The following FMO2 variants were observed in gnomAD, a reference collection of about 807,000 sequenced individuals.
FMO2 encodes the protein flavin containing dimethylaniline monoxygenase 2, also known as flavin-containing monooxygenase 2.
A neutral mutation model predicts 41.6 loss-of-function variants in FMO2; 33 were observed. The ratio of observed to expected loss-of-function variants is 0.79; its 90% confidence interval spans 0.60 to 1.06. The LOEUF (loss-of-function observed/expected upper bound fraction) is 1.06, where lower values mean the gene tolerates loss of function less well. Among genes scored for constraint, FMO2 ranks in the 50% least tolerant of loss-of-function variants. FMO2 has a pLI of 0.00. For missense variants in FMO2, 619 were observed against 632.9 expected (o/e 0.98, Z 0.23); for synonymous variants, 214 against 219.6 (o/e 0.97, Z 0.23).
chr1:171,187,340 T>C (rs1204070364), intron 2 of FMO2, among the ~76,000 whole-genome samples: 1 of 152,026 alleles, frequency 6.6e-6, no homozygotes, highest in African/African-American at 2.4e-5. Flanking sequence ...GCAGAGACCA[T>C]ATAAAGGGCT....
chr1:171,206,675 A>G (rs1297399620), intron 7 of FMO2, among the ~76,000 whole-genome samples: 3 of 152,214 alleles, frequency 2.0e-5, no homozygotes, highest in African/African-American at 4.8e-5. Flanking sequence ...CGGGGCACCA[A>G]TGAAGGGTTA....
At chr1:171,204,779 G>A (rs1202529905) in intron 6 of FMO2, among the ~76,000 whole-genome samples, 1 of 152,048 alleles carries the variant, frequency 6.6e-6, no homozygotes, top group Non-Finnish European at 1.5e-5. Context: ...AGACTCCATG[G>A]ATATTTGGGA....
At chr1:171,207,177 G>A (rs1482430139) in intron 7 of FMO2, among the ~76,000 whole-genome samples, 1 of 152,086 alleles carries the variant, frequency 6.6e-6, no homozygotes, top group Non-Finnish European at 1.5e-5. Context: ...GTGGGCAGGC[G>A]ATGGAGTCAT....
At position 171,209,883 on chromosome 1, in the gene FMO2, CAAT is replaced by C. The variant is rs1658913505; in HGVS notation, c.*739_*741del. 2.0e-5 allele frequency: 3 copies of C among 152,216 alleles called. No individual in the cohort carries two copies. Among genetic ancestry groups the C allele is most frequent in the African/African-American group, 7.2e-5 (3 of 41,530 alleles). 9.4% of individuals were successfully genotyped at this position (152,216 alleles called of 1,614,324 possible). A position where few individuals can be genotyped will look rare whatever the true frequency, so the allele number is the denominator to read the frequency against. Reference sequence around the variant, plus strand: ...GTATTATTTCATTTAATTCTCACAACAATTCTGTGAAATGGTTACAGCTATTAT... The same window carrying C: ...GTATTATTTCATTTAATTCTCACAACTCTGTGAAATGGTTACAGCTATTAT... On this transcript the variant is annotated 3_prime_UTR_variant, in exon 9 of 9. Coordinates refer to ENST00000209929, the MANE Select transcript of FMO2 (RefSeq NM_001460.5).
chr1:171,203,404 A>G (rs927237011), intron 5 of FMO2, among the ~76,000 whole-genome samples: 1 of 151,952 alleles, frequency 6.6e-6, no homozygotes, highest in African/African-American at 2.4e-5. Context: ...TTCCCCTGTT[A>G]TTCTCCATCC....
Position 171,199,466 on chromosome 1 carries a change from A to G in FMO2, c.605A>G (p.Glu202Gly). 6.2e-7 allele frequency: 1 copy of G among 1,612,032 alleles called. No individual in the cohort carries two copies. The highest frequency in any genetic ancestry group is 1.3e-5 in the African/African-American group (1 of 74,842). The change falls in exon 5 of 9, where the codon GAG (glutamate) becomes GGG (glycine). Residue 202 changes from glutamate to glycine, a missense_variant. Coordinates refer to ENST00000209929, the MANE Select transcript of FMO2 (RefSeq NM_001460.5). ...AACTCAGGCTCAGATATTGCTGTTG[A>G]GCTGAGTAAGAATGCTGCTCAGGTG... Reference protein sequence around the residue: ...MGNSGSDIAVELSKNAAQVFI... With the variant: ...MGNSGSDIAVGLSKNAAQVFI...
intron 3 of FMO2, among the ~76,000 whole-genome samples, chr1:171,195,494 CCATCTGAAATCTTTTCTTT>C (rs1658269438): frequency 6.6e-6 from 1 of 152,164 alleles, no homozygotes; most frequent in African/African-American, 2.4e-5. Context: ...CTTTGAACTA[CCATCTGAAATCTTTTCTTT>C]CATCTGAAAA....
chr1:171,203,058 A>G (rs1658597900), intron 5 of FMO2, among the ~76,000 whole-genome samples: 1 of 152,170 alleles, frequency 6.6e-6, no homozygotes, highest in African/African-American at 2.4e-5. Context: ...CTTTTAAAAT[A>G]CATTACAAGC....
chr1:171,195,995 A>G (rs551157218), intron 3 of FMO2, among the ~76,000 whole-genome samples: 2 of 152,384 alleles, frequency 1.3e-5, no homozygotes, highest in Non-Finnish European at 2.9e-5. Context: ...AGGCGGCTAC[A>G]TAAAACGTTC....
chr1:171,209,719 A>G lies in FMO2; in HGVS notation c.*574A>G, dbSNP rs1658907432. On this transcript the variant is annotated 3_prime_UTR_variant, in exon 9 of 9. Transcript: ENST00000209929. The stretch of plus-strand genomic sequence containing the variant: ...TTTTAGGACCTCATATTAAGAGCTA[A>G]GCAAATGGCCACATTTCCTATATTT... 2 of 152,200 alleles carry G rather than the reference A, an allele frequency of 1.3e-5. No homozygotes were observed. The highest frequency in any genetic ancestry group is 4.1e-4 in the South Asian group (2 of 4,830). 9.4% of individuals were successfully genotyped at this position (152,200 alleles called of 1,614,324 possible). A position where few individuals can be genotyped will look rare whatever the true frequency, so the allele number is the denominator to read the frequency against.
chr1:171,200,263 A>T (rs1221612222), intron 5 of FMO2, among the ~76,000 whole-genome samples: 1 of 152,210 alleles, frequency 6.6e-6, no homozygotes, highest in East Asian at 1.9e-4. Context: ...GAATGACACC[A>T]GCTGAGCTGC....
Position 171,196,671 on chromosome 1 carries a change from A to G in FMO2, c.344A>G (p.Lys115Arg), listed in dbSNP as rs1185853257. ...AAGACAACTGTCCTTAGTGTGAGAAAATGTCCAGATTTCTCATCCTCTGGC... is the reference window on the plus strand; with the variant it reads ...AAGACAACTGTCCTTAGTGTGAGAAGATGTCCAGATTTCTCATCCTCTGGC... Reference protein sequence around the residue: ...QFQTTVLSVRKCPDFSSSGQW... With the variant: ...QFQTTVLSVRRCPDFSSSGQW... Residue 115 changes from lysine to arginine, a missense_variant, in exon 4 of 9, where the codon AAA becomes AGA. Physicochemically the swap from Lys to Arg is conservative, Grantham distance 26. Transcript: ENST00000209929. 2.5e-6 allele frequency: 4 copies of G among 1,613,244 alleles called. No individual in the cohort carries two copies. Among genetic ancestry groups the G allele is most frequent in the Admixed American group, 3.3e-5 (2 of 59,972 alleles).
intron 8 of FMO2, 38 bp from the exon 9 acceptor site, chr1:171,208,756 C>G: frequency 6.3e-7 from 1 of 1,597,578 alleles, no homozygotes; most frequent in Non-Finnish European, 8.6e-7. Context: ...AAACTTAGAA[C>G]ATTCTGTGAA....
intron 8 of FMO2, 122 bp from the exon 9 acceptor site, chr1:171,208,672 T>A: frequency 1.1e-6 from 1 of 876,814 alleles, no homozygotes; most frequent in Non-Finnish European, 1.8e-6. Flanking sequence ...CCACCAGAGA[T>A]TCATTGAAAA....
At chr1:171,208,212 G>T (rs1300941274) in intron 8 of FMO2, among the ~76,000 whole-genome samples, 1 of 152,124 alleles carries the variant, frequency 6.6e-6, no homozygotes, top group Admixed American at 6.5e-5. Flanking sequence ...AATTAGGAAG[G>T]GGTTGGTGTG....
chr1:171,201,950 G>T (rs758709860), intron 5 of FMO2, among the ~76,000 whole-genome samples: 1 of 152,116 alleles, frequency 6.6e-6, no homozygotes. Flanking sequence ...CCCTTGACAC[G>T]TGGGGATTAT....
Position 171,203,323 on chromosome 1 carries a change from T to TCACACA in FMO2, c.628-511_628-506dup, listed in dbSNP as rs10628039. ...CTGAGTGACAGAGCAAGACCCTGTCTCACACACACACACACACACACACAC... is the reference window on the plus strand; with the variant it reads ...CTGAGTGACAGAGCAAGACCCTGTCTCACACACACACACACACACACACACACACAC... On this transcript the variant is annotated intron_variant, in intron 5 of 8. Transcript: ENST00000209929. 4.0e-3 allele frequency among the ~76,000 whole-genome samples: 580 copies of TCACACA among 144,044 alleles called. 1 individual carries two copies. The highest frequency in any genetic ancestry group is 0.01 in the Middle Eastern group (3 of 288). 94.5% of individuals were successfully genotyped at this position (144,044 alleles called of 152,430 possible).
intron 5 of FMO2, among the ~76,000 whole-genome samples, chr1:171,201,635 T>G (rs545793079): frequency 6.6e-6 from 1 of 152,256 alleles, no homozygotes; most frequent in East Asian, 1.9e-4. Flanking sequence ...CCACTCAAGA[T>G]CATATGGGAT....
intron 2 of FMO2, 94 bp from the exon 3 acceptor site, chr1:171,193,241 A>G (rs1183592923): frequency 2.0e-5 from 15 of 748,422 alleles, no homozygotes; most frequent in Non-Finnish European, 3.1e-5. Flanking sequence ...AACCAAAGAC[A>G]ATCGCATTAC....
Sources: gnomAD v4.1 joint callset for allele counts (sites outside exome capture counted in the v4.1 genomes callset) on GRCh38, gnomAD v4.1.1 for gene constraint, MANE v1.5 for transcripts, NCBI Gene and HGNC (gene_info 2026-07-23, HGNC 2026-07-21) for gene names.